The following MPHOSPH6 variants were observed in gnomAD, a reference collection of about 807,000 sequenced individuals.
The protein encoded by MPHOSPH6 is M-phase phosphoprotein 6.
Under a neutral mutation model 21.8 loss-of-function variants are expected in MPHOSPH6, and 25 were observed. The observed-to-expected ratio is 1.15, with a 90% CI of 0.83 to 1.60. The LOEUF is 1.60. MPHOSPH6 is among the 40% of genes most tolerant of loss of function. The pLI, the probability that MPHOSPH6 is intolerant of heterozygous loss-of-function variation, is 0.00. For missense variants in MPHOSPH6, 269 were observed against 181.8 expected (o/e 1.48, Z -2.76); for synonymous variants, 84 against 56.5 (o/e 1.49, Z -2.18).
Position 82,163,881 on chromosome 16 carries a change from G to C in MPHOSPH6, c.164+201C>G, listed in dbSNP as rs1002267774. 8.4e-6 allele frequency: 4 copies of C among 477,488 alleles called. No individual in the cohort carries two copies. The East Asian group carries it at 1.1e-4, about 13-fold the overall frequency. 29.6% of individuals were successfully genotyped at this position (477,488 alleles called of 1,614,324 possible). A position where few individuals can be genotyped will look rare whatever the true frequency, so the allele number is the denominator to read the frequency against. Reference sequence around the variant, plus strand: ...CAATGTAAAAAAGGACAAAATAGTGGCTGGGAGGGGGAGTAGTAAAAATGT... The same window carrying C: ...CAATGTAAAAAAGGACAAAATAGTGCCTGGGAGGGGGAGTAGTAAAAATGT... On this transcript the variant is annotated intron_variant, in intron 2 of 4. Transcript: ENST00000258169.
chr16:82,158,223 T>G (rs1906491785), intron 2 of MPHOSPH6, among the ~76,000 whole-genome samples: 1 of 151,850 alleles, frequency 6.6e-6, no homozygotes, highest in Non-Finnish European at 1.5e-5. Context: ...GCGCAGTGGC[T>G]CACACCTGTA....
chr16:82,154,737 T>C (rs1022330256), intron 2 of MPHOSPH6, among the ~76,000 whole-genome samples: 1 of 152,048 alleles, frequency 6.6e-6, no homozygotes, highest in Non-Finnish European at 1.5e-5. Context: ...ATCAAATAAA[T>C]GGAATTCATT....
intron 2 of MPHOSPH6, among the ~76,000 whole-genome samples, chr16:82,160,615 A>C (rs1185668392): frequency 6.6e-6 from 1 of 152,170 alleles, no homozygotes; most frequent in East Asian, 1.9e-4. Context: ...TCCGTTATCC[A>C]AGGTTCCAGT....
intron 1 of MPHOSPH6, among the ~76,000 whole-genome samples, chr16:82,164,450 C>T (rs745701760): frequency 4.6e-5 from 7 of 152,232 alleles, no homozygotes; most frequent in Non-Finnish European, 7.3e-5. Flanking sequence ...TAAGACACCA[C>T]ATTCGAAGGT....
At chr16:82,159,096 C>A (rs569178320) in intron 2 of MPHOSPH6, among the ~76,000 whole-genome samples, 18 of 152,316 alleles carry the variant, frequency 1.2e-4, no homozygotes, top group Non-Finnish European at 2.2e-4. Flanking sequence ...TTGAGATACT[C>A]CTCTCTTTTC....
At chr16:82,168,921 G>C (rs549858347) in intron 1 of MPHOSPH6, among the ~76,000 whole-genome samples, 1 of 152,284 alleles carries the variant, frequency 6.6e-6, no homozygotes, top group South Asian at 2.1e-4. Context: ...CCAGGGTTCT[G>C]GAGCCAGACT....
chr16:82,156,603 A>T (rs1906435169), intron 2 of MPHOSPH6, among the ~76,000 whole-genome samples: 1 of 152,218 alleles, frequency 6.6e-6, no homozygotes, highest in Non-Finnish European at 1.5e-5. Flanking sequence ...AAGTAAAAAG[A>T]TACATAACTC....
At chr16:82,151,560 G>A (rs1906265439) in intron 2 of MPHOSPH6, 46 bp from the exon 3 acceptor site, 1 of 1,512,244 alleles carries the variant, frequency 6.6e-7, no homozygotes, top group Non-Finnish European at 8.8e-7. Flanking sequence ...ATAAAGCACA[G>A]CAAACAAAAG....
At chr16:82,154,864 G>C (rs1188476307) in intron 2 of MPHOSPH6, among the ~76,000 whole-genome samples, 3 of 152,122 alleles carry the variant, frequency 2.0e-5, no homozygotes, top group Non-Finnish European at 4.4e-5. Flanking sequence ...CTAAGAAGAG[G>C]AGGTAGGAAC....
chr16:82,166,312 G>A lies in MPHOSPH6; in HGVS notation c.52-2118C>T, dbSNP rs79055070. 2.1e-3 allele frequency among the ~76,000 whole-genome samples: 318 copies of A among 152,332 alleles called. 2 individuals are homozygous for A. The highest frequency in any genetic ancestry group is 7.3e-3 in the African/African-American group (302 of 41,582). On this transcript the variant is annotated intron_variant, in intron 1 of 4. Coordinates refer to ENST00000258169, the MANE Select transcript of MPHOSPH6 (RefSeq NM_005792.2). ...GTGTGTACATCCTCATCCCAGGAAA[G>A]AACTGCAGTTTCTGGAATGTGCACG...
chr16:82,150,300 C>G (rs959379624), intron 3 of MPHOSPH6, among the ~76,000 whole-genome samples: 1 of 151,982 alleles, frequency 6.6e-6, no homozygotes, highest in Admixed American at 6.6e-5. Flanking sequence ...CTTTGAATAC[C>G]ACATCTTCAT....
chr16:82,164,140 TTTC>T lies in MPHOSPH6; in HGVS notation c.103_105del (p.Glu35del), dbSNP rs747826988. 35 of 1,612,666 alleles carry T rather than the reference TTTC, an allele frequency of 2.2e-5. No individual in the cohort carries two copies. Among genetic ancestry groups the T allele is most frequent in the Non-Finnish European group, 2.7e-5 (32 of 1,179,982 alleles). Reference sequence around the variant, plus strand: ...CAGTGCTCTTCACTAATGATTTTCTTTTCTTCTTCTTCTAGTTGTTTCTTGGTT... The same window carrying T: ...CAGTGCTCTTCACTAATGATTTTCTTTTCTTCTTCTAGTTGTTTCTTGGTT... On this transcript the variant is annotated inframe_deletion, in exon 2 of 5. Coordinates refer to ENST00000258169, the MANE Select transcript of MPHOSPH6 (RefSeq NM_005792.2).
Position 82,149,191 on chromosome 16 carries a change from T to C in MPHOSPH6, c.350+118A>G, listed in dbSNP as rs28576934. ...ATTAAGAGAAGGCCGATCACAGTCATCGTCCTACTGGGGGACTCCCTTGAA... is the reference window on the plus strand; with the variant it reads ...ATTAAGAGAAGGCCGATCACAGTCACCGTCCTACTGGGGGACTCCCTTGAA... On this transcript the variant is annotated intron_variant, in intron 4 of 4. Transcript: ENST00000258169. The C allele has an allele frequency of 4.6e-3, 4,937 of 1,076,006 alleles. 161 individuals are homozygous for C. The African/African-American group carries it at 0.067, about 15-fold the overall frequency. The allele number at this position is 1,076,006 out of a possible 1,614,324, so 66.7% of individuals were successfully genotyped here.
chr16:82,152,295 G>A (rs1383765390), intron 2 of MPHOSPH6, among the ~76,000 whole-genome samples: 3 of 152,074 alleles, frequency 2.0e-5, no homozygotes, highest in African/African-American at 7.2e-5. Context: ...CTGAGATTTT[G>A]GCCCCCACCA....
intron 1 of MPHOSPH6, among the ~76,000 whole-genome samples, chr16:82,166,831 T>C (rs2967356): frequency 0.029 from 4,360 of 152,238 alleles, 201 homozygotes; most frequent in African/African-American, 0.099. Flanking sequence ...ACCTATTCTT[T>C]TGGTATACAA....
At chr16:82,157,978 C>G (rs1299342356) in intron 2 of MPHOSPH6, among the ~76,000 whole-genome samples, 1 of 152,134 alleles carries the variant, frequency 6.6e-6, no homozygotes, top group African/African-American at 2.4e-5. Context: ...GCAAAAGCAA[C>G]TCTGGGTAAA....
intron 3 of MPHOSPH6, among the ~76,000 whole-genome samples, chr16:82,150,659 T>C (rs1342997167): frequency 6.6e-6 from 1 of 152,236 alleles, no homozygotes; most frequent in Non-Finnish European, 1.5e-5. Context: ...TGTGTGCTAC[T>C]GATATTTAGT....
Position 82,164,085 on chromosome 16 carries a change from T to A in MPHOSPH6, c.161A>T (p.Lys54Ile), listed in dbSNP as rs752693635. The change falls in exon 2 of 5, where the codon AAA becomes ATA. Residue 54 changes from lysine to isoleucine, a missense_variant. Transcript: ENST00000258169. Reference protein sequence around the residue: ...WYLDLPELKEKESFIIEEQSF... With the variant: ...WYLDLPELKEIESFIIEEQSF... Reference sequence around the variant, plus strand: ...GTATCAATTTTAATAAACCTACTCTTTCTCTTTAAGCTCTGGCAAATCCAA... The same window carrying A: ...GTATCAATTTTAATAAACCTACTCTATCTCTTTAAGCTCTGGCAAATCCAA... 9 of 1,603,446 alleles carry A rather than the reference T, an allele frequency of 5.6e-6. No homozygotes were observed. In the East Asian group the frequency reaches 2.0e-4, roughly 36 times the overall value.
chr16:82,156,245 G>T (rs974777299), intron 2 of MPHOSPH6, among the ~76,000 whole-genome samples: 36 of 152,084 alleles, frequency 2.4e-4, no homozygotes, highest in African/African-American at 7.5e-4. Flanking sequence ...TACATGCACA[G>T]ATGTATGTAA....
Sources: gnomAD v4.1 joint callset for allele counts (sites outside exome capture counted in the v4.1 genomes callset) on GRCh38, gnomAD v4.1.1 for gene constraint, MANE v1.5 for transcripts, NCBI Gene and HGNC (gene_info 2026-07-23, HGNC 2026-07-21) for gene names.